Variants in SRRM2 observed in about 807,000 individuals in gnomAD.
The protein encoded by SRRM2 is serine/arginine repetitive matrix 2.
Under a neutral mutation model 213.8 loss-of-function variants are expected in SRRM2, and 30 were observed. The observed-to-expected ratio is 0.14, with a 90% CI of 0.10 to 0.19. The LOEUF (loss-of-function observed/expected upper bound fraction) is 0.19, where lower values mean the gene tolerates loss of function less well. Among genes scored for constraint, SRRM2 ranks in the 10% least tolerant of loss-of-function variants. The pLI, the probability that SRRM2 is intolerant of heterozygous loss-of-function variation, is 1.00. For synonymous variants in SRRM2, 2,025 were observed against 1,377.7 expected, an observed-to-expected ratio of 1.47 and a Z score of -10.40; for missense variants, 4,904 against 3,647.0, an observed-to-expected ratio of 1.34 and a Z score of -8.88.
Position 2,760,513 on chromosome 16 carries a change from TTGG to T in SRRM2, c.1032+17_1032+19del, listed in dbSNP as rs2068302923. ...GACAAGAAGGAGGTATGTTCCTGAG[TTGG>T]TGATGTTCATTGGATTGCAAATGTA... On this transcript the variant is annotated intron_variant, in intron 10 of 14. Transcript: ENST00000301740. 2.5e-6 allele frequency: 4 copies of T among 1,613,832 alleles called. No homozygotes were observed. Among genetic ancestry groups the T allele is most frequent in the Middle Eastern group, 1.6e-4 (1 of 6,062 alleles).
In SRRM2 at chr16:2,766,035, G is replaced by A. The variant is rs1291004025; in HGVS notation, c.5507G>A (p.Arg1836Gln). 5.6e-6 allele frequency: 9 copies of A among 1,613,920 alleles called. No homozygotes were observed. The highest frequency in any genetic ancestry group is 3.3e-5 in the South Asian group (3 of 91,070). ...ARQESSRTSS[R>Q]RRRGRSRTPP... ...CAGGAAAGTTCCCGGACCTCCTCTC[G>A]ACGCCGAAGAGGCCGCTCTCGGACA... Residue 1836 changes from arginine to glutamine, a missense_variant, in exon 11 of 15, where the codon CGA (arginine) becomes CAA (glutamine). Coordinates refer to ENST00000301740, the MANE Select transcript of SRRM2 (RefSeq NM_016333.4). The surrounding 1 kb of genome is among the most constrained non-coding windows in gnomAD (Gnocchi z 7.0).
In SRRM2 at chr16:2,765,990, A is replaced by G. The variant is rs1273162956; in HGVS notation, c.5462A>G (p.His1821Arg). The part of the protein sequence containing the change: ...TRRRRGGSGY[H>R]SRSPARQESS... The stretch of plus-strand genomic sequence containing the variant: ...CGGCGGAGGGGAGGCTCTGGTTATC[A>G]CTCAAGGTCACCTGCCCGGCAGGAA... The change falls in exon 11 of 15, where the codon CAC (histidine) becomes CGC (arginine). Residue 1821 changes from histidine (H) to arginine (R), a missense_variant. Transcript: ENST00000301740. 1.2e-6 allele frequency: 2 copies of G among 1,613,792 alleles called. No individual in the cohort carries two copies. Among genetic ancestry groups the G allele is most frequent in the Non-Finnish European group, 8.5e-7 (1 of 1,179,958 alleles).
In SRRM2 at chr16:2,766,756, C is replaced by G; in HGVS notation, c.6228C>G (p.Arg2076=). Residue 2076 remains arginine, a synonymous_variant, in exon 11 of 15, where the codon CGC becomes CGG. Transcript: ENST00000301740. This position sits in a 1 kb window ranked among gnomAD's most constrained non-coding sequence, Gnocchi z 7.0. The part of the protein sequence containing the change: ...RSLTRSPPAI[R]RRSASGSSSD... ...TAACAAGATCTCCTCCAGCCATCCG[C>G]AGGCGTTCTGCATCTGGAAGTAGTT... 6.2e-7 allele frequency: 1 copy of G among 1,614,208 alleles called. No homozygotes were observed.
rs781608274 is a variant in SRRM2, at chr16:2,770,319, TGTG to T, written c.8022-29_8022-27del. On this transcript the variant is annotated intron_variant, in intron 12 of 14. Transcript: ENST00000301740. ...GTGCTGGCCCGTGTGCTTGAAAGGG[TGTG>T]GTGCTATTGGGTCCTACTGTGTTCC... 12 of 1,540,600 alleles carry T rather than the reference TGTG, an allele frequency of 7.8e-6. No individual in the cohort carries two copies. In the South Asian group the frequency reaches 1.4e-4, roughly 19 times the overall value.
At position 2,763,267 on chromosome 16, in the gene SRRM2, A is replaced by G. The variant is rs751597637; in HGVS notation, c.2739A>G (p.Ser913=). 9.9e-6 allele frequency: 16 copies of G among 1,614,032 alleles called. No individual in the cohort carries two copies. Among genetic ancestry groups the G allele is most frequent in the Middle Eastern group, 1.6e-4 (1 of 6,084 alleles). The change falls in exon 11 of 15, where the codon TCA becomes TCG. Residue 913 remains serine, a synonymous_variant. Transcript: ENST00000301740. ...CCAGACAGAGCCCATCTAGGTCATC[A>G]TCTCCACAACCCAAAGTGAAGGCAA... ...TPPRQSPSRS[S]SPQPKVKAII...
Position 2,760,432 on chromosome 16 carries a change from G to C in SRRM2, c.965G>C (p.Ser322Thr), listed in dbSNP as rs780019414. ...EPGTTSTQRP[S>T]SPETATKQPS... ...GGTACTACCAGCACACAACGGCCTA[G>C]TAGCCCGGAGACTGCTACGAAACAG... is the stretch of plus-strand genomic sequence containing the variant. Residue 322 changes from serine to threonine, a missense_variant, in exon 10 of 15, where the codon AGT becomes ACT. Transcript: ENST00000301740. The C allele has an allele frequency of 1.9e-6, 3 of 1,614,056 alleles. No individual in the cohort carries two copies. Among genetic ancestry groups the C allele is most frequent in the Non-Finnish European group, 2.5e-6 (3 of 1,180,052 alleles).
intron 1 of SRRM2, chr16:2,753,733 CA>C (rs1054405206): frequency 1.3e-5 from 2 of 152,178 alleles, no homozygotes; most frequent in African/African-American, 4.8e-5. Flanking sequence ...ATCAGAATTT[CA>C]GAGTGTTGTG....
At position 2,767,977 on chromosome 16, in the gene SRRM2, C is replaced by T; in HGVS notation, c.7449C>T (p.Thr2483=). 8 of 1,614,150 alleles carry T rather than the reference C, an allele frequency of 5.0e-6. No homozygotes were observed. Among genetic ancestry groups the T allele is most frequent in the Non-Finnish European group, 6.8e-6 (8 of 1,180,036 alleles). Residue 2483 remains threonine (T), a synonymous_variant, in exon 11 of 15, where the codon ACC becomes ACT. Coordinates refer to ENST00000301740, the MANE Select transcript of SRRM2 (RefSeq NM_016333.4). ...TTTCCTCTGGGGCAGTGGCAACGAC[C>T]ACGTCCTCTGCTGGTGATCACAATG... is the stretch of plus-strand genomic sequence containing the variant. The part of the protein sequence containing the change: ...QSLSSGAVAT[T]TSSAGDHNGM...
In SRRM2 at chr16:2,766,498, C is replaced by G. The variant is rs1259952022; in HGVS notation, c.5970C>G (p.Thr1990=). The change falls in exon 11 of 15, where the codon ACC becomes ACG. Residue 1990 remains threonine (T), a synonymous_variant. Transcript: ENST00000301740. The surrounding 1 kb of genome is among the most constrained non-coding windows in gnomAD (Gnocchi z 7.0). The part of the protein sequence containing the change: ...RRSRSRTSPV[T]RRRSRSRTSP... ...CAAGATCCAGAACATCTCCGGTCAC[C>G]CGAAGGAGATCTCGATCTCGCACAT... 2 of 1,614,008 alleles carry G rather than the reference C, an allele frequency of 1.2e-6. No homozygotes were observed. The highest frequency in any genetic ancestry group is 1.1e-5 in the South Asian group (1 of 91,076).
In SRRM2 at chr16:2,758,563, A is replaced by G; in HGVS notation, c.593+16A>G. 1.2e-6 allele frequency: 2 copies of G among 1,609,952 alleles called. No homozygotes were observed. Among genetic ancestry groups the G allele is most frequent in the African/African-American group, 1.3e-5 (1 of 74,954 alleles). On this transcript the variant is annotated intron_variant, in intron 5 of 14. Coordinates refer to ENST00000301740, the MANE Select transcript of SRRM2 (RefSeq NM_016333.4). ...ATAGAGGACGGTAAGTTAGTTGGAAAGTGACTCTGATAGCCAGAGGACCAA... is the reference window on the plus strand; with the variant it reads ...ATAGAGGACGGTAAGTTAGTTGGAAGGTGACTCTGATAGCCAGAGGACCAA...
In SRRM2 at chr16:2,767,702, C is replaced by T. The variant is rs1400971503; in HGVS notation, c.7174C>T (p.Arg2392Cys). The change falls in exon 11 of 15, where the codon CGT becomes TGT. Residue 2392 changes from arginine (R) to cysteine (C), a missense_variant. Transcript: ENST00000301740. The part of the protein sequence containing the change: ...SPRVPLSAYE[R>C]VSGRTSPPLL... ...CAGGGTGCCCCTTTCTGCCTACGAG[C>T]GTGTCAGTGGCAGAACCTCACCACC... is the stretch of plus-strand genomic sequence containing the variant. 13 of 1,613,782 alleles carry T rather than the reference C, an allele frequency of 8.1e-6. No homozygotes were observed. Among genetic ancestry groups the T allele is most frequent in the Admixed American group, 1.7e-5 (1 of 59,972 alleles).
At chr16:2,753,061 C>G (rs1405893388) in intron 1 of SRRM2, among the ~76,000 whole-genome samples, 1 of 144,058 alleles carries the variant, frequency 6.9e-6, no homozygotes, top group East Asian at 2.2e-4. Context: ...TCCCCCATGA[C>G]AACGGCGTTC....
intron 9 of SRRM2, 56 bp from the exon 10 acceptor site, chr16:2,760,245 G>A: frequency 7.7e-6 from 12 of 1,552,630 alleles, no homozygotes; most frequent in African/African-American, 1.4e-5. Context: ...GGGGTTTTCT[G>A]TTCTCCCTTT....
intron 14 of SRRM2, 53 bp downstream of exon 14, chr16:2,770,770 G>A: frequency 1.2e-6 from 2 of 1,603,126 alleles, no homozygotes; most frequent in Non-Finnish European, 1.7e-6. Context: ...TGTGGTGGTG[G>A]GTGGCGGCCC....
chr16:2,763,666 C>G lies in SRRM2; in HGVS notation c.3138C>G (p.Gly1046=). Residue 1046 remains glycine, a synonymous_variant, in exon 11 of 15, where the codon GGC becomes GGG. Transcript: ENST00000301740. ...GAGTAAAATCTAGCACACCACCAGG[C>G]GAGAGCTATTTTGGTGTCTCATCTC... ...CAGVKSSTPP[G]ESYFGVSSLQ... 6.2e-7 allele frequency: 1 copy of G among 1,614,140 alleles called. No individual in the cohort carries two copies. The highest frequency in any genetic ancestry group is 2.2e-5 in the East Asian group (1 of 44,892).
In SRRM2 at chr16:2,763,697, C is replaced by A; in HGVS notation, c.3169C>A (p.Leu1057Met). ...ESYFGVSSLQ[L>M]KGQSQTSPDH... The stretch of plus-strand genomic sequence containing the variant: ...CTATTTTGGTGTCTCATCTCTGCAA[C>A]TGAAAGGACAATCTCAAACTTCACC... Residue 1057 changes from leucine (L) to methionine (M), a missense_variant, in exon 11 of 15, where the codon CTG (leucine) becomes ATG (methionine). Coordinates refer to ENST00000301740, the MANE Select transcript of SRRM2 (RefSeq NM_016333.4). The A allele has an allele frequency of 6.2e-7, 1 of 1,614,214 alleles. No homozygotes were observed. The highest frequency in any genetic ancestry group is 8.5e-7 in the Non-Finnish European group (1 of 1,180,044).
In SRRM2 at chr16:2,762,498, G is replaced by T; in HGVS notation, c.1970G>T (p.Arg657Leu). Residue 657 changes from arginine (R) to leucine (L), a missense_variant, in exon 11 of 15, where the codon CGC becomes CTC. By Grantham distance (102) the Arg-to-Leu change is moderately radical. Transcript: ENST00000301740. The stretch of plus-strand genomic sequence containing the variant: ...TCTAGAACCCCAGCTAGACGTGGCC[G>T]CTCACGCTCCAGAACCCCAGCCAGA... ...SRSRTPARRGRSRSRTPARRG... is the reference protein window; with the variant it reads ...SRSRTPARRGLSRSRTPARRG... 6.2e-6 allele frequency: 10 copies of T among 1,613,524 alleles called. No homozygotes were observed. Among genetic ancestry groups the T allele is most frequent in the Non-Finnish European group, 8.5e-6 (10 of 1,179,710 alleles).
At chr16:2,754,611 T>TG (rs1184410226) in intron 1 of SRRM2, among the ~76,000 whole-genome samples, 7 of 151,398 alleles carry the variant, frequency 4.6e-5, no homozygotes, top group Admixed American at 4.0e-4. Context: ...TCTTAAGGAG[T>TG]GGGGGGATTT....
At position 2,764,571 on chromosome 16, in the gene SRRM2, C is replaced by T. The variant is rs549292154; in HGVS notation, c.4043C>T (p.Ser1348Phe). ...GGTACAGAAATGAATACTGGATTTT[C>T]TTCTGAGGTTAAAGAAGATTTGAAT... Reference protein sequence around the residue: ...PLGTEMNTGFSSEVKEDLNGP... With the variant: ...PLGTEMNTGFFSEVKEDLNGP... Residue 1348 changes from serine to phenylalanine, a missense_variant, in exon 11 of 15, where the codon TCT becomes TTT. By Grantham distance (155) the Ser-to-Phe change is radical. Coordinates refer to ENST00000301740, the MANE Select transcript of SRRM2 (RefSeq NM_016333.4). 245 of 1,614,196 alleles carry T rather than the reference C, an allele frequency of 1.5e-4. No homozygotes were observed. Among genetic ancestry groups the T allele is most frequent in the East Asian group, 3.3e-4 (15 of 44,886 alleles).
Sources: gnomAD v4.1 joint callset for allele counts (sites outside exome capture counted in the v4.1 genomes callset) on GRCh38, gnomAD v4.1.1 for gene constraint, Gnocchi (gnomAD v3.1) non-coding constraint, MANE v1.5 for transcripts, NCBI Gene and HGNC (gene_info 2026-07-23, HGNC 2026-07-21) for gene names.